PAPPA: variants seen among roughly 807,000 people sequenced by gnomAD.
PAPPA encodes the protein pappalysin-1.
In PAPPA, 60 loss-of-function variants were observed where a neutral mutation model predicts 164.0. That is an observed-to-expected ratio of 0.37 (90% CI 0.30 to 0.45). The LOEUF (loss-of-function observed/expected upper bound fraction) is 0.45, where lower values mean the gene tolerates loss of function less well. PAPPA is among the 20% of genes least tolerant of loss of function. The pLI, the probability that PAPPA is intolerant of heterozygous loss-of-function variation, is 1.00. For synonymous variants in PAPPA, 875 were observed against 814.1 expected (o/e 1.07, Z -1.27); for missense variants, 1,782 against 2,087.3 (o/e 0.85, Z 2.85).
intron 7 of PAPPA, among the ~76,000 whole-genome samples, chr9:116,264,945 G>A (rs774701997): frequency 6.6e-6 from 1 of 152,096 alleles, no homozygotes; most frequent in Non-Finnish European, 1.5e-5. Flanking sequence ...GGAAGCCCAA[G>A]CAGGTACTAG....
chr9:116,171,547 G>A (rs1311072466), intron 1 of PAPPA, among the ~76,000 whole-genome samples: 1 of 148,918 alleles, frequency 6.7e-6, no homozygotes, highest in Non-Finnish European at 1.5e-5. Flanking sequence ...AGAAATATCT[G>A]TTTACAAACA....
chr9:116,160,391 C>T (rs1843652468), intron 1 of PAPPA, among the ~76,000 whole-genome samples: 2 of 152,304 alleles, frequency 1.3e-5, no homozygotes, highest in African/African-American at 4.8e-5. Context: ...ATGAATCTCT[C>T]GGAGTTTTGG....
At chr9:116,368,209 C>T (rs958443621) in intron 19 of PAPPA, among the ~76,000 whole-genome samples, 8 of 152,196 alleles carry the variant, frequency 5.3e-5, no homozygotes, top group Non-Finnish European at 8.8e-5. Flanking sequence ...GTATCCTTCT[C>T]CAAGCTTTAC....
rs975546930 is a variant in PAPPA at position 116,221,116 on chromosome 9, A to G, written c.2111+987A>G. On this transcript the variant is annotated intron_variant, in intron 5 of 21. Transcript: ENST00000328252. ...TCTGAGCCTGATTCTCCCTTCCCTG[A>G]AAACTGGGTCTAATGATACTACAGT... Among the ~76,000 whole-genome samples, 20 of 152,114 alleles carry G rather than the reference A, an allele frequency of 1.3e-4. 1 individual carries two copies.
intron 17 of PAPPA, among the ~76,000 whole-genome samples, chr9:116,354,968 C>G (rs1432664241): frequency 6.6e-6 from 1 of 151,950 alleles, no homozygotes; most frequent in African/African-American, 2.4e-5. Flanking sequence ...AAAGAGTTAT[C>G]CTTGTACCTT....
chr9:116,301,749 C>G (rs2118889036), intron 9 of PAPPA, among the ~76,000 whole-genome samples: 1 of 152,258 alleles, frequency 6.6e-6, no homozygotes, highest in East Asian at 1.9e-4. Context: ...TGGTCTTTAA[C>G]TAAAACTCCT....
intron 21 of PAPPA, 59 bp downstream of exon 21, chr9:116,382,552 C>T (rs1588029266): frequency 3.0e-6 from 3 of 992,614 alleles, no homozygotes; most frequent in East Asian, 4.8e-5. Flanking sequence ...GCTTGTGGGG[C>T]CAGGATCACT....
At chr9:116,229,854 G>A (rs1023271130) in intron 6 of PAPPA, among the ~76,000 whole-genome samples, 2 of 152,130 alleles carry the variant, frequency 1.3e-5, no homozygotes, top group Non-Finnish European at 2.9e-5. Context: ...AAGTTTATGG[G>A]GTTGAGAGGT....
intron 18 of PAPPA, among the ~76,000 whole-genome samples, chr9:116,366,850 T>G (rs984358741): frequency 2.0e-5 from 3 of 152,124 alleles, no homozygotes; most frequent in Non-Finnish European, 4.4e-5. Flanking sequence ...GCAAGTGGCT[T>G]GGGATTGAGG....
intron 7 of PAPPA, among the ~76,000 whole-genome samples, chr9:116,241,074 T>C (rs1383485428): frequency 6.6e-6 from 1 of 152,208 alleles, no homozygotes; most frequent in East Asian, 1.9e-4. Context: ...GTTTATATGA[T>C]CTGGGTGGAC....
At chr9:116,368,821 C>T (rs1209634136) in intron 19 of PAPPA, among the ~76,000 whole-genome samples, 1 of 152,176 alleles carries the variant, frequency 6.6e-6, no homozygotes, top group Non-Finnish European at 1.5e-5. Context: ...GCAGATCACA[C>T]TCTGGATAGC....
At chr9:116,182,913 C>G (rs976487393) in intron 1 of PAPPA, among the ~76,000 whole-genome samples, 2 of 152,142 alleles carry the variant, frequency 1.3e-5, no homozygotes, top group African/African-American at 4.8e-5. Flanking sequence ...CCCAGACACA[C>G]TACTTTAAAA....
intron 10 of PAPPA, 67 bp from the exon 11 acceptor site, chr9:116,331,177 A>C: frequency 9.6e-7 from 1 of 1,037,462 alleles, no homozygotes; most frequent in Non-Finnish European, 1.5e-6. Flanking sequence ...AAGGTTTGTA[A>C]AATTGAATTT....
chr9:116,176,827 A>G (rs1434091229), intron 1 of PAPPA, among the ~76,000 whole-genome samples: 1 of 152,142 alleles, frequency 6.6e-6, no homozygotes, highest in African/African-American at 2.4e-5. Flanking sequence ...GAGAAATAAA[A>G]ATGGAGTTGA....
chr9:116,182,420 G>GAGT (rs1468327691), intron 1 of PAPPA, among the ~76,000 whole-genome samples: 3 of 152,232 alleles, frequency 2.0e-5, no homozygotes, highest in Admixed American at 6.5e-5. Context: ...GATCTTGAAT[G>GAGT]AGTAATTACT....
intron 2 of PAPPA, among the ~76,000 whole-genome samples, chr9:116,193,060 G>C (rs1257336593): frequency 1.3e-5 from 2 of 152,198 alleles, no homozygotes; most frequent in East Asian, 3.9e-4. Flanking sequence ...ATACACTGTT[G>C]TCTCATAAGG....
At chr9:116,331,175 T>C in intron 10 of PAPPA, 69 bp from the exon 11 acceptor site, 1 of 1,020,444 alleles carries the variant, frequency 9.8e-7, no homozygotes, top group Non-Finnish European at 1.5e-6. Context: ...TAAAGGTTTG[T>C]AAAATTGAAT....
rs1847029479 is a variant in PAPPA at position 116,400,154 on chromosome 9, G to A, written c.*3538G>A. On this transcript the variant is annotated 3_prime_UTR_variant, in exon 22 of 22. Transcript: ENST00000328252. Reference sequence around the variant, plus strand: ...AAAAAAATGGTGACAAAGCTGTACAGATAGAGATAATAGAAGACAAAGAGA... The same window carrying A: ...AAAAAAATGGTGACAAAGCTGTACAAATAGAGATAATAGAAGACAAAGAGA... 1.3e-5 allele frequency: 2 copies of A among 152,394 alleles called. No individual in the cohort carries two copies. Among genetic ancestry groups the A allele is most frequent in the Admixed American group, 1.3e-4 (2 of 15,262 alleles). 9.4% of individuals were successfully genotyped at this position (152,394 alleles called of 1,614,324 possible). A position where few individuals can be genotyped will look rare whatever the true frequency, so the allele number is the denominator to read the frequency against.
rs142206815 is a variant in PAPPA at position 116,262,976 on chromosome 9, A to G, written c.2733-2881A>G. On this transcript the variant is annotated intron_variant, in intron 7 of 21. Coordinates refer to ENST00000328252, the MANE Select transcript of PAPPA (RefSeq NM_002581.5). ...AACTTGGGTAAAATATAGTTTTATC[A>G]TAGGAATTTTTCCGTGGAAAACATA... Among the ~76,000 whole-genome samples the G allele has an allele frequency of 3.0e-3, 455 of 152,328 alleles. 2 individuals are homozygous for G. The highest frequency in any genetic ancestry group is 0.01 in the African/African-American group (435 of 41,568).
Sources: allele counts gnomAD v4.1 joint callset (sites outside exome capture counted in the v4.1 genomes callset), GRCh38; gene constraint gnomAD v4.1.1; transcripts MANE v1.5; gene names NCBI Gene and HGNC (gene_info 2026-07-23, HGNC 2026-07-21).